VWA5B2: variants seen among roughly 807,000 people sequenced by gnomAD.
VWA5B2 encodes the protein von Willebrand factor A domain containing 5B2.
In VWA5B2, 93 loss-of-function variants were observed where a neutral mutation model predicts 118.5. The ratio of observed to expected loss-of-function variants is 0.79; its 90% confidence interval spans 0.66 to 0.93. VWA5B2 has a LOEUF of 0.93. VWA5B2 is among the 40% of genes least tolerant of loss of function. The probability of loss-of-function intolerance (pLI) is 0.00; values close to 1 mark genes in which losing one functional copy is unlikely to be tolerated. For missense variants in VWA5B2, 1,546 were observed against 1,672.8 expected, an observed-to-expected ratio of 0.92 and a Z score of 1.32; for synonymous variants, 708 against 716.3, an observed-to-expected ratio of 0.99 and a Z score of 0.19.
At chr3:184,234,916 G>C (rs1309831426) in intron 7 of VWA5B2, 161 bp downstream of exon 7, 18 of 1,214,894 alleles carry the variant, frequency 1.5e-5, no homozygotes, top group Admixed American at 8.2e-5. Flanking sequence ...GATGAGTATT[G>C]TCATTGGAGG....
rs1717578413 is a variant in VWA5B2, at chr3:184,233,232, G to A, written c.365G>A (p.Gly122Asp). Residue 122 changes from glycine (G) to aspartate (D), a missense_variant, in exon 4 of 20, where the codon GGC (glycine) becomes GAC (aspartate). Physicochemically the swap from Gly to Asp is moderately conservative, Grantham distance 94. Transcript: ENST00000691901. This position sits in a 1 kb window ranked among gnomAD's most constrained non-coding sequence, Gnocchi z 5.2. The part of the protein sequence containing the change: ...QARSTLVLPT[G>D]IIAAAGTMTV... ...CGGTCCACGTTGGTGCTGCCCACAG[G>A]CATTATCGCCGCGGCTGGCACCATG... The A allele has an allele frequency of 6.4e-7, 1 of 1,550,764 alleles. No individual in the cohort carries two copies. Among genetic ancestry groups the A allele is most frequent in the Non-Finnish European group, 8.7e-7 (1 of 1,146,818 alleles).
chr3:184,231,361 C>T (rs769804628), intron 3 of VWA5B2, among the ~76,000 whole-genome samples: 9 of 152,214 alleles, frequency 5.9e-5, no homozygotes, highest in Non-Finnish European at 1.0e-4. Flanking sequence ...ATCCCTCTCC[C>T]AGCGACCCCA....
intron 1 of VWA5B2, among the ~76,000 whole-genome samples, 38 bp downstream of exon 1, chr3:184,229,751 C>T (rs1717179026): frequency 6.6e-6 from 1 of 152,150 alleles, no homozygotes; most frequent in African/African-American, 2.4e-5. Flanking sequence ...GGGCGATCCC[C>T]AGAGCCAGCC....
chr3:184,240,834 G>T lies in VWA5B2; in HGVS notation c.2784G>T (p.Lys928Asn). Residue 928 changes from lysine (K) to asparagine (N), a missense_variant, in exon 17 of 20, where the codon AAG (lysine) becomes AAT (asparagine). By Grantham distance (94) the Lys-to-Asn change is moderately conservative. This residue lies in a region of VWA5B2 where 763 missense variants were observed against 766.6 expected (regional missense o/e 1.00). Coordinates refer to ENST00000691901, the MANE Select transcript of VWA5B2 (RefSeq NM_001390846.1). Reference sequence around the variant, plus strand: ...GGCTTCGAGCCCTTCAGACAAGTAAGGTCAGCTCTGCCCCCTCCTGCTTCA... The same window carrying T: ...GGCTTCGAGCCCTTCAGACAAGTAATGTCAGCTCTGCCCCCTCCTGCTTCA... The part of the protein sequence containing the change: ...RCWLRALQTS[K>N]VSSAPSCFTC... 1 of 1,551,654 alleles carries T rather than the reference G, an allele frequency of 6.4e-7. No homozygotes were observed. Among genetic ancestry groups the T allele is most frequent in the Non-Finnish European group, 8.7e-7 (1 of 1,146,980 alleles).
At chr3:184,236,126 A>T (rs1717952521) in intron 8 of VWA5B2, 26 bp from the exon 9 acceptor site, 1 of 1,546,020 alleles carries the variant, frequency 6.5e-7, no homozygotes. Flanking sequence ...GGCCGGCCTC[A>T]CGCCGCCCTC....
rs1001777404 is a variant in VWA5B2, at chr3:184,239,869, T to G, written c.2573T>G (p.Val858Gly). Residue 858 changes from valine (V) to glycine (G), a missense_variant, in exon 16 of 20, where the codon GTT (valine) becomes GGT (glycine). This residue lies in a region of VWA5B2 where 763 missense variants were observed against 766.6 expected (regional missense o/e 1.00). Coordinates refer to ENST00000691901, the MANE Select transcript of VWA5B2 (RefSeq NM_001390846.1). The surrounding 1 kb of genome is among the most constrained non-coding windows in gnomAD (Gnocchi z 5.1). ...CAGCCCATGTGCTGGGAGGTGGGTG[T>G]TGGGCTGGAGACACTGTGGGGACCT... ...GEQPMCWEVG[V>G]GLETLWGPGD... 1.3e-6 allele frequency: 2 copies of G among 1,551,490 alleles called. No homozygotes were observed. The highest frequency in any genetic ancestry group is 2.7e-5 in the African/African-American group (2 of 73,004).
chr3:184,240,380 A>T (rs1718450091), intron 16 of VWA5B2: 2 of 347,458 alleles, frequency 5.8e-6, no homozygotes, highest in Admixed American at 4.3e-5. Flanking sequence ...CATTTAGGAA[A>T]ATACTTAAAG....
Position 184,230,599 on chromosome 3 carries a change from C to A in VWA5B2, c.71C>A (p.Ala24Asp). 6.9e-7 allele frequency: 1 copy of A among 1,458,932 alleles called. No homozygotes were observed. The highest frequency in any genetic ancestry group is 2.5e-5 in the Admixed American group (1 of 39,386). 90.4% of individuals were successfully genotyped at this position (1,458,932 alleles called of 1,614,324 possible). Reference sequence around the variant, plus strand: ...ACGGACTCCTGGGTCCGGGCCTGCGCCAACGGCCCCTGCCTCAGCGTGCGG... The same window carrying A: ...ACGGACTCCTGGGTCCGGGCCTGCGACAACGGCCCCTGCCTCAGCGTGCGG... ...PLTDSWVRAC[A>D]NGPCLSVRAR... The change falls in exon 2 of 20, where the codon GCC becomes GAC. Residue 24 changes from alanine to aspartate, a missense_variant. Ala to Asp is a moderately radical substitution (Grantham distance 126). Transcript: ENST00000691901.
rs943003452 is a variant in VWA5B2, at chr3:184,241,313, G to A, written c.3089G>A (p.Arg1030Gln). ...CGCCCACCTCCCCGTCCTCCCTGTC[G>A]GCTCAGCATGGGCCGCCGTCACAAA... ...PRRPPPRPPC[R>Q]LSMGRRHKLC... is the part of the protein sequence containing the mutation. Residue 1030 changes from arginine (R) to glutamine (Q), a missense_variant, in exon 19 of 20, where the codon CGG (arginine) becomes CAG (glutamine). Transcript: ENST00000691901. This position sits in a 1 kb window ranked among gnomAD's most constrained non-coding sequence, Gnocchi z 5.1. The A allele has an allele frequency of 2.6e-5, 41 of 1,551,304 alleles. No individual in the cohort carries two copies. The East Asian group carries it at 3.7e-4, about 14-fold the overall frequency.
chr3:184,230,680 TG>T lies in VWA5B2; in HGVS notation c.139+17del. ...CAGCCGGTGGACGGTGAGGCCCGGG[TG>T]GGGCGCGGGCGCGGCGGGGGGTGCG... On this transcript the variant is annotated intron_variant, in intron 2 of 19. Coordinates refer to ENST00000691901, the MANE Select transcript of VWA5B2 (RefSeq NM_001390846.1). 8.0e-7 allele frequency: 1 copy of T among 1,242,724 alleles called. No homozygotes were observed. Among genetic ancestry groups the T allele is most frequent in the Non-Finnish European group, 1.0e-6 (1 of 995,628 alleles). The allele number at this position is 1,242,724 out of a possible 1,614,324, so 77.0% of individuals were successfully genotyped here. A position where few individuals can be genotyped will look rare whatever the true frequency, so the allele number is the denominator to read the frequency against.
chr3:184,230,940 C>A, intron 3 of VWA5B2, 23 bp downstream of exon 3: 1 of 1,210,866 alleles, frequency 8.3e-7, no homozygotes, highest in Non-Finnish European at 1.0e-6. Flanking sequence ...CGCCCGCACC[C>A]GCGCTCCTGA....
chr3:184,234,666 A>G lies in VWA5B2; in HGVS notation c.856A>G (p.Ser286Gly). 6.4e-7 allele frequency: 1 copy of G among 1,551,342 alleles called. No individual in the cohort carries two copies. The highest frequency in any genetic ancestry group is 8.7e-7 in the Non-Finnish European group (1 of 1,146,996). ...HQPHLMLEGG[S>G]LSSAEYEARV... ...GCCACACCTGATGCTGGAGGGCGGC[A>G]GCCTGAGCTCAGCAGAATATGAGGC... The change falls in exon 7 of 20, where the codon AGC becomes GGC. Residue 286 changes from serine to glycine, a missense_variant. By Grantham distance (56) the Ser-to-Gly change is moderately conservative. Coordinates refer to ENST00000691901, the MANE Select transcript of VWA5B2 (RefSeq NM_001390846.1).
In VWA5B2 at chr3:184,242,192, A is replaced by G; in HGVS notation, c.*154A>G. On this transcript the variant is annotated 3_prime_UTR_variant, in exon 20 of 20. Coordinates refer to ENST00000691901, the MANE Select transcript of VWA5B2 (RefSeq NM_001390846.1). ...CTCCCTAGAGCCCTCTTGCCCCCAC[A>G]AAAAGTGCCTGCCTGTGCTCTCTCC... 1 of 1,002,994 alleles carries G rather than the reference A, an allele frequency of 1.0e-6. No individual in the cohort carries two copies. Among genetic ancestry groups the G allele is most frequent in the Non-Finnish European group, 1.4e-6 (1 of 690,576 alleles). 62.1% of individuals were successfully genotyped at this position (1,002,994 alleles called of 1,614,324 possible).
At position 184,230,483 on chromosome 3, in the gene VWA5B2, G is replaced by C; in HGVS notation, c.-46G>C. Reference sequence around the variant, plus strand: ...CGGGGTGGGCGTCCCGTCACCCTGCGCCCAGCTTCCCCGGCCCGTTCCCGC... The same window carrying C: ...CGGGGTGGGCGTCCCGTCACCCTGCCCCCAGCTTCCCCGGCCCGTTCCCGC... On this transcript the variant is annotated 5_prime_UTR_variant, in exon 2 of 20. Transcript: ENST00000691901. The C allele has an allele frequency of 7.1e-7, 1 of 1,402,604 alleles. No individual in the cohort carries two copies. Among genetic ancestry groups the C allele is most frequent in the Non-Finnish European group, 9.2e-7 (1 of 1,088,650 alleles). The allele number at this position is 1,402,604 out of a possible 1,614,324, so 86.9% of individuals were successfully genotyped here.
intron 16 of VWA5B2, 22 bp downstream of exon 16, chr3:184,240,058 T>C: frequency 6.7e-7 from 1 of 1,495,792 alleles, no homozygotes; most frequent in South Asian, 1.3e-5. Flanking sequence ...ATGGGTCCAG[T>C]CAGGACCCAA....
chr3:184,240,914 AG>A lies in VWA5B2; in HGVS notation c.2866del (p.Val956CysfsTer20). 6.4e-7 allele frequency: 1 copy of A among 1,551,598 alleles called. No homozygotes were observed. Among genetic ancestry groups the A allele is most frequent in the African/African-American group, 1.4e-5 (1 of 73,122 alleles). Reference protein sequence around the residue: ...TTREVLPGALQVCSSEPAEPP... With the variant: ...TTREVLPGALXVCSSEPAEPP... The stretch of plus-strand genomic sequence containing the variant: ...AGGGAGGTCCTGCCTGGGGCCCTGC[AG>A]GTGTGCAGCTCAGGTAGGGGCCTCT... On this transcript the variant is annotated frameshift_variant, in exon 17 of 20. Coordinates refer to ENST00000691901, the MANE Select transcript of VWA5B2 (RefSeq NM_001390846.1). LOFTEE classifies it high-confidence loss of function.
In VWA5B2 at chr3:184,234,696, G is replaced by A; in HGVS notation, c.886G>A (p.Val296Met). The A allele has an allele frequency of 6.4e-7, 1 of 1,551,388 alleles. No homozygotes were observed. Residue 296 changes from valine to methionine, a missense_variant, in exon 7 of 20, where the codon GTG becomes ATG. Around this residue, in one of 3 missense-constraint regions of VWA5B2, gnomAD observed 775 missense variants for 882.3 expected, o/e 0.88. Coordinates refer to ENST00000691901, the MANE Select transcript of VWA5B2 (RefSeq NM_001390846.1). ...GAGCTCAGCAGAATATGAGGCCCGG[G>A]TGAGGGCCCGCCGAGATTTTCAGAG... The part of the protein sequence containing the change: ...SLSSAEYEAR[V>M]RARRDFQRLQ...
At chr3:184,240,087 G>A in intron 16 of VWA5B2, 51 bp downstream of exon 16, 2 of 1,397,782 alleles carry the variant, frequency 1.4e-6, no homozygotes, top group Non-Finnish European at 1.9e-6. Flanking sequence ...GCTAAAAACA[G>A]CAAAGGTAGA....
At position 184,236,535 on chromosome 3, in the gene VWA5B2, C is replaced by T. The variant is rs1241451151; in HGVS notation, c.1405C>T (p.His469Tyr). Reference sequence around the variant, plus strand: ...CCGAACCCTGGAGCTCATGAGGTGGCACAGGGGGACAGCCAGGTATGGGAT... The same window carrying T: ...CCGAACCCTGGAGCTCATGAGGTGGTACAGGGGGACAGCCAGGTATGGGAT... Reference protein sequence around the residue: ...THRTLELMRWHRGTARCFSFG... With the variant: ...THRTLELMRWYRGTARCFSFG... The change falls in exon 10 of 20, where the codon CAC becomes TAC. Residue 469 changes from histidine (H) to tyrosine (Y), a missense_variant. Around this residue, in one of 3 missense-constraint regions of VWA5B2, gnomAD observed 775 missense variants for 882.3 expected, o/e 0.88. Coordinates refer to ENST00000691901, the MANE Select transcript of VWA5B2 (RefSeq NM_001390846.1). 1 of 1,550,294 alleles carries T rather than the reference C, an allele frequency of 6.5e-7. No individual in the cohort carries two copies. The highest frequency in any genetic ancestry group is 2.0e-5 in the Admixed American group (1 of 51,002).
Sources: allele counts gnomAD v4.1 joint callset (sites outside exome capture counted in the v4.1 genomes callset), GRCh38; gene constraint gnomAD v4.1.1; regional missense constraint gnomAD v4.1.1; non-coding constraint Gnocchi (gnomAD v3.1); transcripts MANE v1.5; gene names NCBI Gene and HGNC (gene_info 2026-07-23, HGNC 2026-07-21).